The following SDR42E2 variants were observed in gnomAD, a reference collection of about 807,000 sequenced individuals.
SDR42E2 encodes the protein putative short-chain dehydrogenase/reductase family 42E member 2.
A neutral mutation model predicts 10.5 loss-of-function variants in SDR42E2; 20 were observed. That is an observed-to-expected ratio of 1.90 (90% CI 1.34 to 2.77). The LOEUF (loss-of-function observed/expected upper bound fraction) is 2.77. Among genes scored for constraint, SDR42E2 ranks in the 30% most tolerant of loss-of-function variants. The pLI is 0.00. For synonymous variants in SDR42E2, 72 were observed against 39.2 expected, an observed-to-expected ratio of 1.84 and a Z score of -3.12; for missense variants, 162 against 104.2, an observed-to-expected ratio of 1.55 and a Z score of -2.42.
At position 22,174,316 on chromosome 16, in the gene SDR42E2, G is replaced by C. The variant is rs537338588; in HGVS notation, c.589+1985G>C. Among the ~76,000 whole-genome samples the C allele has an allele frequency of 1.5e-4, 23 of 152,132 alleles. No individual in the cohort carries two copies. In the South Asian group the frequency reaches 4.8e-3, roughly 32 times the overall value. The stretch of plus-strand genomic sequence containing the variant: ...CCACTACACTCCAGCCTGGGAGACA[G>C]AGCGAGACTCCATCTCAATAATAAT... On this transcript the variant is annotated intron_variant, in intron 7 of 12. Coordinates refer to ENST00000602312, the MANE Select transcript of SDR42E2 (RefSeq NM_001394319.2).
intron 5 of SDR42E2, among the ~76,000 whole-genome samples, chr16:22,169,801 G>A (rs2046579620): frequency 6.7e-6 from 1 of 149,498 alleles, no homozygotes; most frequent in Admixed American, 6.7e-5. Context: ...GAGACCAACA[G>A]GGGTGGATCA....
At chr16:22,163,594 C>G (rs556846104) in intron 1 of SDR42E2, among the ~76,000 whole-genome samples, 1 of 152,172 alleles carries the variant, frequency 6.6e-6, no homozygotes. Context: ...GTAGTCCCAG[C>G]TACTCGGGAG....
chr16:22,171,057 T>A, intron 6 of SDR42E2, 106 bp downstream of exon 6: 1 of 676,142 alleles, frequency 1.5e-6, no homozygotes, highest in South Asian at 1.5e-5. Context: ...TCAGGATACG[T>A]CCTAGCAGGA....
intron 4 of SDR42E2, among the ~76,000 whole-genome samples, 166 bp downstream of exon 4, chr16:22,167,165 ATTTTTTTTTTTTTTTTTTTT>A (rs534502295): frequency 1.6e-4 from 6 of 37,722 alleles, no homozygotes; most frequent in Non-Finnish European, 2.2e-4. Context: ...CAGTTCTGCC[ATTTTTTTTTTTTTTTTTTTT>A]TTTTTTTTTT....
At chr16:22,181,069 G>A (rs1357947862) in intron 8 of SDR42E2, among the ~76,000 whole-genome samples, 1 of 152,216 alleles carries the variant, frequency 6.6e-6, no homozygotes, top group Non-Finnish European at 1.5e-5. Flanking sequence ...GGGGCTGAGG[G>A]TGGACAGAGG....
At chr16:22,183,934 CAA>C (rs60806108) in intron 10 of SDR42E2, among the ~76,000 whole-genome samples, 54,886 of 129,440 alleles carry the variant, frequency 0.42, 11,145 homozygotes, top group East Asian at 0.88. Flanking sequence ...TGATTCTCTG[CAA>C]AAAAAAAAAA....
intron 9 of SDR42E2, 62 bp from the exon 10 acceptor site, chr16:22,182,150 G>A: frequency 2.4e-6 from 1 of 408,572 alleles, no homozygotes; most frequent in Non-Finnish European, 4.3e-6. Flanking sequence ...GGAGCCATCT[G>A]GAAGGGTGGG....
chr16:22,167,374 AG>A (rs1189148874), intron 4 of SDR42E2, among the ~76,000 whole-genome samples: 2 of 151,520 alleles, frequency 1.3e-5, no homozygotes, highest in Non-Finnish European at 2.9e-5. Flanking sequence ...TAGTAGAAAC[AG>A]GGTTTCACCA....
chr16:22,171,901 T>C (rs996242397), intron 6 of SDR42E2, among the ~76,000 whole-genome samples: 3 of 152,286 alleles, frequency 2.0e-5, no homozygotes, highest in East Asian at 1.9e-4. Context: ...GGAAATAAGA[T>C]AACCGATGTG....
chr16:22,184,821 C>A (rs1258284018), intron 11 of SDR42E2, among the ~76,000 whole-genome samples: 2 of 152,088 alleles, frequency 1.3e-5, no homozygotes, highest in Non-Finnish European at 2.9e-5. Flanking sequence ...TATGATGGGC[C>A]CATTGTAAAG....
chr16:22,186,453 C>T (rs942246316), intron 11 of SDR42E2, among the ~76,000 whole-genome samples: 5 of 152,016 alleles, frequency 3.3e-5, no homozygotes, highest in East Asian at 1.9e-4. Context: ...GCAATCCGCC[C>T]GCCTCAGCCT....
Position 22,166,405 on chromosome 16 carries a change from G to A in SDR42E2, c.211G>A (p.Glu71Lys), listed in dbSNP as rs1228099971. 3 of 402,454 alleles carry A rather than the reference G, an allele frequency of 7.5e-6. No homozygotes were observed. The highest frequency in any genetic ancestry group is 1.3e-5 in the Non-Finnish European group (3 of 227,214). The allele number at this position is 402,454 out of a possible 1,614,324, so 24.9% of individuals were successfully genotyped here. A position where few individuals can be genotyped will look rare whatever the true frequency, so the allele number is the denominator to read the frequency against. ...ILLDRRRPQW[E>K]LSPETKFIQA... ...GCTTGACCGCCGCAGACCCCAGTGG[G>A]AACTGTCCCCGGAAACCAAGTTCAT... The change falls in exon 3 of 13, where the codon GAA becomes AAA. Residue 71 changes from glutamate to lysine, a missense_variant. By Grantham distance (56) the Glu-to-Lys change is moderately conservative (BLOSUM62 1). Transcript: ENST00000602312.
intron 7 of SDR42E2, among the ~76,000 whole-genome samples, chr16:22,176,768 C>G (rs1231506589): frequency 6.6e-6 from 1 of 152,182 alleles, no homozygotes; most frequent in Non-Finnish European, 1.5e-5. Flanking sequence ...TCTGTGGCAG[C>G]CCTTCAGACT....
At chr16:22,172,561 C>A (rs1168926557) in intron 7 of SDR42E2, among the ~76,000 whole-genome samples, 2 of 152,232 alleles carry the variant, frequency 1.3e-5, no homozygotes, top group Non-Finnish European at 2.9e-5. Context: ...TCTGCCCTTA[C>A]ATAGCTCACA....
intron 11 of SDR42E2, among the ~76,000 whole-genome samples, chr16:22,185,422 C>T (rs1000717056): frequency 6.6e-6 from 1 of 152,130 alleles, no homozygotes; most frequent in Non-Finnish European, 1.5e-5. Context: ...GAGCCACGGC[C>T]GATGGCACTT....
chr16:22,177,997 C>T (rs1305625911), intron 7 of SDR42E2, 133 bp from the exon 8 acceptor site: 3 of 580,078 alleles, frequency 5.2e-6, no homozygotes, highest in South Asian at 2.1e-5. Flanking sequence ...ATAAATTGAA[C>T]GAGGAAGCCC....
rs190714111 is a variant in SDR42E2 at position 22,184,471 on chromosome 16, G to A, written c.940+227G>A. Among the ~76,000 whole-genome samples, 240 of 152,076 alleles carry A rather than the reference G, an allele frequency of 1.6e-3. 1 individual carries two copies. The highest frequency in any genetic ancestry group is 2.5e-3 in the Non-Finnish European group (170 of 67,944). ...ACAAAAATCAGCCGGGTGTGGTGGC[G>A]CACGCCTGTATTCCCAGCTCCCTGG... On this transcript the variant is annotated intron_variant, in intron 11 of 12. Transcript: ENST00000602312.
intron 9 of SDR42E2, 69 bp downstream of exon 9, chr16:22,181,725 G>A: frequency 3.0e-6 from 2 of 660,342 alleles, no homozygotes. Context: ...CATCCCTAGG[G>A]GATTTCTGGA....
intron 8 of SDR42E2, among the ~76,000 whole-genome samples, chr16:22,180,953 C>G (rs534915390): frequency 6.6e-6 from 1 of 152,104 alleles, no homozygotes; most frequent in Non-Finnish European, 1.5e-5. Context: ...TTTGCAGTGA[C>G]CAAGATCTTG....
Sources: allele counts gnomAD v4.1 joint callset (sites outside exome capture counted in the v4.1 genomes callset), GRCh38; gene constraint gnomAD v4.1.1; transcripts MANE v1.5; gene names NCBI Gene and HGNC (gene_info 2026-07-23, HGNC 2026-07-21).